Variants in PVT1 observed in about 807,000 individuals in gnomAD.
PVT1 encodes the protein Pvt1 oncogene, also known as CXCR4/PVT1 fusion.
At chr8:127,874,670 C>T (rs895253681) in intron 2 of PVT1, among the ~76,000 whole-genome samples, 4 of 152,150 alleles carry the variant, frequency 2.6e-5, no homozygotes, top group Non-Finnish European at 5.9e-5. Flanking sequence ...GTGGGTATTA[C>T]CTTTGGCCTG....
chr8:127,955,768 A>C (rs1347321615), intron 3 of PVT1, among the ~76,000 whole-genome samples: 1 of 152,068 alleles, frequency 6.6e-6, no homozygotes, highest in Non-Finnish European at 1.5e-5. Flanking sequence ...TATTTTCAGT[A>C]GGAATGGGAT....
chr8:128,041,533 C>T (rs1194621162), intron 4 of PVT1, among the ~76,000 whole-genome samples: 4 of 133,798 alleles, frequency 3.0e-5, no homozygotes, highest in Admixed American at 7.6e-5. Context: ...GTGTTGTGTA[C>T]GTGTGTGTGC....
At chr8:127,953,377 A>T (rs1372890408) in intron 3 of PVT1, among the ~76,000 whole-genome samples, 1 of 152,154 alleles carries the variant, frequency 6.6e-6, no homozygotes, top group Non-Finnish European at 1.5e-5. Flanking sequence ...TTGCCTGAGA[A>T]CCTGACTCAA....
At chr8:127,910,452 G>A (rs1815880619) in intron 3 of PVT1, among the ~76,000 whole-genome samples, 1 of 152,196 alleles carries the variant, frequency 6.6e-6, no homozygotes, top group Non-Finnish European at 1.5e-5. Flanking sequence ...GACCTGAAAT[G>A]ATCACATGTG....
At chr8:128,015,153 G>C (rs1035704050) in intron 4 of PVT1, among the ~76,000 whole-genome samples, 6 of 151,764 alleles carry the variant, frequency 4.0e-5, no homozygotes, top group Non-Finnish European at 8.8e-5. Context: ...ACAGTGGTGC[G>C]ATCTCAGCTA....
chr8:127,984,857 C>CAA (rs1563657374), intron 3 of PVT1, among the ~76,000 whole-genome samples: 1 of 43,166 alleles, frequency 2.3e-5, no homozygotes, highest in African/African-American at 6.7e-5. Flanking sequence ...TTCTTTCTTT[C>CAA]TTTCTTTCTT....
chr8:127,985,109 C>T (rs1255897611), intron 3 of PVT1, among the ~76,000 whole-genome samples: 1 of 150,306 alleles, frequency 6.7e-6, no homozygotes. Context: ...TCTCGGCTCA[C>T]TGTAACCTCT....
chr8:127,933,599 G>A (rs571240584), intron 3 of PVT1, among the ~76,000 whole-genome samples: 1 of 152,318 alleles, frequency 6.6e-6, no homozygotes, highest in South Asian at 2.1e-4. Context: ...CTGGTGAGGG[G>A]ATGATGCCCT....
intron 5 of PVT1, among the ~76,000 whole-genome samples, chr8:128,094,380 T>G (rs965953915): frequency 9.9e-5 from 15 of 152,176 alleles, no homozygotes; most frequent in African/African-American, 3.6e-4. Context: ...TATAGGAAAT[T>G]CTATCATTAG....
intron 2 of PVT1, among the ~76,000 whole-genome samples, chr8:127,826,353 T>TA (rs1814788728): frequency 6.6e-6 from 1 of 152,158 alleles, no homozygotes; most frequent in Non-Finnish European, 1.5e-5. Flanking sequence ...TGATTTCTCG[T>TA]AAAAATCAGT....
intron 4 of PVT1, among the ~76,000 whole-genome samples, chr8:128,033,202 A>C (rs1259370153): frequency 6.6e-6 from 1 of 152,192 alleles, no homozygotes; most frequent in Non-Finnish European, 1.5e-5. Flanking sequence ...CCACTTAAGG[A>C]GATGAATGGT....
At chr8:127,957,094 C>T (rs962468417) in intron 3 of PVT1, among the ~76,000 whole-genome samples, 8 of 152,176 alleles carry the variant, frequency 5.3e-5, no homozygotes, top group Admixed American at 2.0e-4. Flanking sequence ...ACTTTAGCTA[C>T]TAGTACCATC....
chr8:128,030,362 A>G (rs922425311), intron 4 of PVT1, among the ~76,000 whole-genome samples: 4 of 152,348 alleles, frequency 2.6e-5, no homozygotes, highest in African/African-American at 9.6e-5. Context: ...TTGAAAAAGT[A>G]AAGAATAGGT....
chr8:127,805,228 C>A (rs918213900), intron 2 of PVT1, among the ~76,000 whole-genome samples: 5 of 152,080 alleles, frequency 3.3e-5, no homozygotes, highest in African/African-American at 1.2e-4. Flanking sequence ...CTGTGCCCAG[C>A]CGTCCATGTC....
At chr8:127,971,743 C>T (rs529502804) in intron 3 of PVT1, among the ~76,000 whole-genome samples, 1 of 152,272 alleles carries the variant, frequency 6.6e-6, no homozygotes, top group African/African-American at 2.4e-5. Context: ...CCCCAAATGC[C>T]CACTGTGAGG....
intron 4 of PVT1, among the ~76,000 whole-genome samples, chr8:128,051,787 T>G (rs1455665475): frequency 7.3e-6 from 1 of 136,698 alleles, no homozygotes; most frequent in African/African-American, 3.0e-5. Context: ...TGTTTGGGTC[T>G]TTTTTTATGG....
chr8:127,857,852 C>G (rs1230643159), intron 2 of PVT1, among the ~76,000 whole-genome samples: 1 of 152,224 alleles, frequency 6.6e-6, no homozygotes, highest in Admixed American at 6.5e-5. Context: ...GATATTAAAT[C>G]ATTTGTGTTT....
intron 3 of PVT1, among the ~76,000 whole-genome samples, chr8:127,983,230 G>C (rs1023154598): frequency 2.0e-5 from 3 of 152,294 alleles, no homozygotes; most frequent in South Asian, 4.1e-4. Context: ...GGCCCTGCCA[G>C]CCTGGCCATG....
intron 3 of PVT1, among the ~76,000 whole-genome samples, chr8:127,962,374 G>A (rs1451365556): frequency 2.0e-5 from 3 of 152,206 alleles, no homozygotes; most frequent in African/African-American, 7.2e-5. Flanking sequence ...CAGCCTAATG[G>A]TTTTTGACAC....
Sources: allele counts gnomAD v4.1 joint callset (sites outside exome capture counted in the v4.1 genomes callset), GRCh38; gene constraint gnomAD v4.1.1; transcripts MANE v1.5; gene names NCBI Gene and HGNC (gene_info 2026-07-23, HGNC 2026-07-21).